Variants in RPTOR observed in about 807,000 individuals in gnomAD.
RPTOR encodes regulatory-associated protein of mTOR.
In RPTOR, 21 loss-of-function variants were observed where a neutral mutation model predicts 169.9. The observed-to-expected ratio is 0.12, with a 90% CI of 0.09 to 0.18. The LOEUF is 0.18. Ranked by LOEUF, RPTOR falls within the 10% of genes least tolerant of loss-of-function variation. The probability of loss-of-function intolerance (pLI) is 1.00; values close to 1 mark genes in which losing one functional copy is unlikely to be tolerated. For synonymous variants in RPTOR, 732 were observed against 753.2 expected, an observed-to-expected ratio of 0.97 and a Z score of 0.46; for missense variants, 1,133 against 1,855.9, an observed-to-expected ratio of 0.61 and a Z score of 7.16.
At chr17:80,889,454 G>C (rs896640435) in intron 17 of RPTOR, among the ~76,000 whole-genome samples, 2 of 152,228 alleles carry the variant, frequency 1.3e-5, no homozygotes, top group Non-Finnish European at 2.9e-5. Context: ...AGAGGACCTG[G>C]GAAGCCTGGC....
At chr17:80,644,511 A>T (rs1437412292) in intron 3 of RPTOR, among the ~76,000 whole-genome samples, 1 of 152,146 alleles carries the variant, frequency 6.6e-6, no homozygotes, top group East Asian at 1.9e-4. Context: ...GCACTTATGG[A>T]AGTGCCCTAT....
At chr17:80,700,523 GTGGTGGTGGTGGTGATGATGA>G (rs2066079848) in intron 3 of RPTOR, among the ~76,000 whole-genome samples, 1 of 122,396 alleles carries the variant, frequency 8.2e-6, no homozygotes, top group Admixed American at 7.5e-5. Flanking sequence ...GGTGATGGTG[GTGGTGGTGGTGGTGATGATGA>G]TGGTGGTGGT....
At chr17:80,592,056 T>C (rs2065111782) in intron 1 of RPTOR, among the ~76,000 whole-genome samples, 1 of 152,250 alleles carries the variant, frequency 6.6e-6, no homozygotes, top group Non-Finnish European at 1.5e-5. Context: ...CTTACATTTG[T>C]ATTAATGGCT....
Position 80,643,656 on chromosome 17 carries a change from C to T in RPTOR, c.266-72C>T, listed in dbSNP as rs1430802705. The T allele has an allele frequency of 8.9e-6, 10 of 1,125,210 alleles. No individual in the cohort carries two copies. The East Asian group carries it at 1.2e-4, about 14-fold the overall frequency. The allele number at this position is 1,125,210 out of a possible 1,614,324, so 69.7% of individuals were successfully genotyped here. A position where few individuals can be genotyped will look rare whatever the true frequency, so the allele number is the denominator to read the frequency against. On this transcript the variant is annotated intron_variant, in intron 2 of 33. Transcript: ENST00000306801. ...TTGAAGTGTGTTATATAAGGAGAAA[C>T]TGTGGAAGAGAGGCCTAGCAGAGGA...
intron 2 of RPTOR, among the ~76,000 whole-genome samples, chr17:80,639,072 T>G (rs1308039646): frequency 6.6e-6 from 1 of 152,174 alleles, no homozygotes; most frequent in African/African-American, 2.4e-5. Flanking sequence ...ACAGGACTAA[T>G]TATTACAAAA....
chr17:80,707,788 C>A lies in RPTOR; in HGVS notation c.349-53C>A. 2 of 1,568,188 alleles carry A rather than the reference C, an allele frequency of 1.3e-6. No individual in the cohort carries two copies. The highest frequency in any genetic ancestry group is 2.3e-5 in the South Asian group (2 of 85,206). On this transcript the variant is annotated intron_variant, in intron 3 of 33. Coordinates refer to ENST00000306801, the MANE Select transcript of RPTOR (RefSeq NM_020761.3). This position sits in a 1 kb window ranked among gnomAD's most constrained non-coding sequence, Gnocchi z 5.0. ...AGAGGAAAGGGTAGGGGATGAGTTC[C>A]AAGCATTCCCTGGAGTCCGTGGTAA...
chr17:80,846,224 G>A (rs559483426), intron 10 of RPTOR, among the ~76,000 whole-genome samples: 16 of 152,354 alleles, frequency 1.1e-4, no homozygotes, highest in Admixed American at 7.2e-4. Context: ...TCGGTGCCCT[G>A]GCCAAAAGCC....
chr17:80,858,134 G>A lies in RPTOR; in HGVS notation c.1509+234G>A, dbSNP rs527632672. On this transcript the variant is annotated intron_variant, in intron 13 of 33. Transcript: ENST00000306801. Reference sequence around the variant, plus strand: ...CCCTGGCCTTCCCCTGGTACCCTGCGCTCAGTCCCCCCACACCGTCCTGTC... The same window carrying A: ...CCCTGGCCTTCCCCTGGTACCCTGCACTCAGTCCCCCCACACCGTCCTGTC... The A allele has an allele frequency of 9.7e-5, 53 of 549,010 alleles. 2 individuals are homozygous for A. The highest frequency in any genetic ancestry group is 9.0e-4 in the South Asian group (44 of 49,138). 34.0% of individuals were successfully genotyped at this position (549,010 alleles called of 1,614,324 possible).
chr17:80,644,097 C>T (rs1048296161), intron 3 of RPTOR, among the ~76,000 whole-genome samples: 2 of 152,218 alleles, frequency 1.3e-5, no homozygotes, highest in African/African-American at 4.8e-5. Flanking sequence ...TCTTTTCGCT[C>T]TTAACCATGG....
At position 80,743,745 on chromosome 17, in the gene RPTOR, AGAG is replaced by A. The variant is rs1567887157; in HGVS notation, c.655-10264_655-10262del. Among the ~76,000 whole-genome samples, 119 of 139,314 alleles carry A rather than the reference AGAG, an allele frequency of 8.5e-4. 3 individuals carry two copies. The highest frequency in any genetic ancestry group is 3.7e-3 in the East Asian group (17 of 4,598). 91.4% of individuals were successfully genotyped at this position (139,314 alleles called of 152,430 possible). ...TACGAGCACAGCCCTGGCTACTAGCAGAGCCCTGGCTACTAGCACTCTCCTGGT... is the reference window on the plus strand; with the variant it reads ...TACGAGCACAGCCCTGGCTACTAGCACCCTGGCTACTAGCACTCTCCTGGT... On this transcript the variant is annotated intron_variant, in intron 5 of 33. Transcript: ENST00000306801.
chr17:80,795,581 A>T (rs2067093450), intron 7 of RPTOR, among the ~76,000 whole-genome samples: 1 of 151,896 alleles, frequency 6.6e-6, no homozygotes, highest in Admixed American at 6.5e-5. Context: ...TTTTTAATTT[A>T]AAAGAGACAA....
At chr17:80,801,589 C>A (rs2143534842) in intron 7 of RPTOR, 1 of 152,338 alleles carries the variant, frequency 6.6e-6, no homozygotes. Flanking sequence ...CGAGGGAAGT[C>A]ATACACATGG....
At chr17:80,687,640 G>A (rs1368222662) in intron 3 of RPTOR, among the ~76,000 whole-genome samples, 2 of 152,270 alleles carry the variant, frequency 1.3e-5, no homozygotes, top group East Asian at 1.9e-4. Context: ...GGAGAAATGC[G>A]AACAGTGAGT....
In RPTOR at chr17:80,728,893, A is replaced by G. The variant is rs190862226; in HGVS notation, c.508-1667A>G. ...TTCAGTGGGTTTATTTACAGAGAGCATTTCCAGGTGTTCTATTATAGAGCA... is the reference window on the plus strand; with the variant it reads ...TTCAGTGGGTTTATTTACAGAGAGCGTTTCCAGGTGTTCTATTATAGAGCA... On this transcript the variant is annotated intron_variant, in intron 4 of 33. Transcript: ENST00000306801. Among the ~76,000 whole-genome samples, 19 of 152,296 alleles carry G rather than the reference A, an allele frequency of 1.2e-4. No homozygotes were observed. The East Asian group carries it at 3.5e-3, about 28-fold the overall frequency.
At chr17:80,920,365 G>C (rs1052026592) in intron 21 of RPTOR, among the ~76,000 whole-genome samples, 16 of 150,796 alleles carry the variant, frequency 1.1e-4, no homozygotes, top group East Asian at 1.9e-4. Context: ...TAATGGGGGT[G>C]GGGGGGGCTC....
chr17:80,965,382 G>A lies in RPTOR; in HGVS notation c.*1052G>A, dbSNP rs551815132. 1 of 233,272 alleles carries A rather than the reference G, an allele frequency of 4.3e-6. No individual in the cohort carries two copies. Among genetic ancestry groups the A allele is most frequent in the Non-Finnish European group, 8.5e-6 (1 of 118,116 alleles). The allele number at this position is 233,272 out of a possible 1,614,324, so 14.5% of individuals were successfully genotyped here. ...TGACACCAGCCCCGTCTCCAGCCTT[G>A]AGCCGCCCATGCTGATGCGACCTCG... On this transcript the variant is annotated 3_prime_UTR_variant, in exon 34 of 34. Transcript: ENST00000306801.
At chr17:80,851,609 C>T (rs372385328) in intron 11 of RPTOR, among the ~76,000 whole-genome samples, 5 of 152,376 alleles carry the variant, frequency 3.3e-5, no homozygotes, top group East Asian at 1.9e-4. Flanking sequence ...GGACCTCCGA[C>T]GCCGACTCCC....
rs931207429 is a variant in RPTOR at position 80,964,632 on chromosome 17, C to T, written c.*302C>T. On this transcript the variant is annotated 3_prime_UTR_variant, in exon 34 of 34. Coordinates refer to ENST00000306801, the MANE Select transcript of RPTOR (RefSeq NM_020761.3). ...TCTCCTGTTCTGTGTTTCTCTGAGA[C>T]GCTGAAAGGGGAAACACCTCACTTT... 28 of 450,940 alleles carry T rather than the reference C, an allele frequency of 6.2e-5. No individual in the cohort carries two copies. The South Asian group carries it at 7.0e-4, about 11-fold the overall frequency. The allele number at this position is 450,940 out of a possible 1,614,324, so 27.9% of individuals were successfully genotyped here.
At chr17:80,583,716 C>T (rs2065036674) in intron 1 of RPTOR, among the ~76,000 whole-genome samples, 1 of 152,222 alleles carries the variant, frequency 6.6e-6, no homozygotes, top group African/African-American at 2.4e-5. Context: ...GAAAGTGCTG[C>T]AGGTTCCCCT....
Sources: allele counts gnomAD v4.1 joint callset (sites outside exome capture counted in the v4.1 genomes callset), GRCh38; gene constraint gnomAD v4.1.1; non-coding constraint Gnocchi (gnomAD v3.1); transcripts MANE v1.5; gene names NCBI Gene and HGNC (gene_info 2026-07-23, HGNC 2026-07-21).